DHX40: variants seen among roughly 807,000 people sequenced by gnomAD.
DHX40 encodes the protein probable ATP-dependent RNA helicase DHX40.
A neutral mutation model predicts 89.6 loss-of-function variants in DHX40; 28 were observed. The observed-to-expected ratio is 0.31, with a 90% CI of 0.23 to 0.43. DHX40 has a LOEUF of 0.43. DHX40 is among the 20% of genes least tolerant of loss of function. The pLI is 1.00. For missense variants in DHX40, 457 were observed against 844.0 expected (o/e 0.54, Z 5.68); for synonymous variants, 226 against 283.6 (o/e 0.80, Z 2.04).
chr17:59,577,176 ATGACT>A (rs1354002616), intron 7 of DHX40, 85 bp from the exon 8 acceptor site: 3 of 1,118,190 alleles, frequency 2.7e-6, no homozygotes, highest in Admixed American at 1.8e-5. Flanking sequence ...GCCTAGAAAC[ATGACT>A]TGTAATGAAA....
chr17:59,567,929 C>A (rs2048730954), intron 2 of DHX40, among the ~76,000 whole-genome samples: 1 of 146,406 alleles, frequency 6.8e-6, no homozygotes, highest in Non-Finnish European at 1.5e-5. Flanking sequence ...GAGACTCCGT[C>A]TCCAAAAAAA....
chr17:59,566,818 T>G, intron 2 of DHX40, 24 bp downstream of exon 2: 3 of 1,546,834 alleles, frequency 1.9e-6, no homozygotes, highest in Non-Finnish European at 2.6e-6. Flanking sequence ...GTTGTAATAA[T>G]TGGAAATATT....
intron 10 of DHX40, among the ~76,000 whole-genome samples, chr17:59,583,696 C>T (rs1197982369): frequency 3.2e-5 from 4 of 125,092 alleles, no homozygotes; most frequent in African/African-American, 1.0e-4. Context: ...CTGGCTAACA[C>T]AGTGAAACCC....
chr17:59,575,220 A>G, intron 6 of DHX40, 120 bp from the exon 7 acceptor site: 1 of 764,670 alleles, frequency 1.3e-6, no homozygotes, highest in Non-Finnish European at 2.0e-6. Context: ...TCTCCTTTAC[A>G]TTAAATGAGA....
intron 14 of DHX40, among the ~76,000 whole-genome samples, chr17:59,602,166 T>C (rs1419509646): frequency 3.3e-5 from 5 of 152,168 alleles, no homozygotes; most frequent in Non-Finnish European, 7.4e-5. Context: ...ACCTTGGTCT[T>C]CCTGGACTCC....
chr17:59,602,458 A>G, intron 14 of DHX40, 64 bp from the exon 15 acceptor site: 1 of 1,403,156 alleles, frequency 7.1e-7, no homozygotes, highest in Non-Finnish European at 9.8e-7. Context: ...TGGATTTTTC[A>G]AAATAAAAGA....
rs765533369 is a variant in DHX40 at position 59,605,850 on chromosome 17, A to G, written c.2200+176A>G. On this transcript the variant is annotated intron_variant, in intron 17 of 17. Transcript: ENST00000251241. Reference sequence around the variant, plus strand: ...CATGTTGGTGTGCACCTGTAGTCCCAGTGACTTGGGAGGCTGATGCAGGAG... The same window carrying G: ...CATGTTGGTGTGCACCTGTAGTCCCGGTGACTTGGGAGGCTGATGCAGGAG... 11 of 692,436 alleles carry G rather than the reference A, an allele frequency of 1.6e-5. No individual in the cohort carries two copies. The East Asian group carries it at 1.7e-4, about 11-fold the overall frequency. 42.9% of individuals were successfully genotyped at this position (692,436 alleles called of 1,614,324 possible).
rs2030789346 is a variant in DHX40 at position 59,605,528 on chromosome 17, G to C, written c.2054G>C (p.Cys685Ser). 6.2e-7 allele frequency: 1 copy of C among 1,614,026 alleles called. No individual in the cohort carries two copies. Among genetic ancestry groups the C allele is most frequent in the Non-Finnish European group, 8.5e-7 (1 of 1,180,030 alleles). Residue 685 changes from cysteine (C) to serine (S), a missense_variant, in exon 17 of 18, where the codon TGC becomes TCC. By Grantham distance (112) the Cys-to-Ser change is moderately radical. Coordinates refer to ENST00000251241, the MANE Select transcript of DHX40 (RefSeq NM_024612.5). ...ACCAAAGTCTACGCAAGAATTGTAT[G>C]CCCAATCCGTTATGAATGGGTAAGA... ...VTTKVYARIV[C>S]PIRYEWVRDL...
intron 11 of DHX40, among the ~76,000 whole-genome samples, 185 bp downstream of exon 11, chr17:59,586,418 T>C (rs1598157230): frequency 6.6e-6 from 1 of 152,164 alleles, no homozygotes; most frequent in East Asian, 1.9e-4. Flanking sequence ...ATCCCAGCAC[T>C]TTGGGAGGCC....
chr17:59,572,051 C>A, intron 3 of DHX40, among the ~76,000 whole-genome samples: 1 of 152,252 alleles, frequency 6.6e-6, no homozygotes, highest in African/African-American at 2.4e-5. Context: ...ACAAAATCAG[C>A]CAATTAACAA....
rs1401095060 is a variant in DHX40, at chr17:59,569,095, G to A, written c.281-1423G>A. 2.6e-3 allele frequency among the ~76,000 whole-genome samples: 393 copies of A among 152,196 alleles called. 1 individual carries two copies. The highest frequency in any genetic ancestry group is 8.4e-3 in the African/African-American group (351 of 41,544). On this transcript the variant is annotated intron_variant, in intron 2 of 17. Transcript: ENST00000251241. Reference sequence around the variant, plus strand: ...TGTGATCCCAGCACATTGGGAGGCTGAGGCAGATGGATCACTTGAGGTCAG... The same window carrying A: ...TGTGATCCCAGCACATTGGGAGGCTAAGGCAGATGGATCACTTGAGGTCAG...
At chr17:59,573,383 G>A (rs1164475769) in intron 4 of DHX40, 148 bp downstream of exon 4, 28 of 715,880 alleles carry the variant, frequency 3.9e-5, no homozygotes, top group Non-Finnish European at 6.3e-5. Flanking sequence ...AGGCTGGAGA[G>A]CAGTGGCACG....
At chr17:59,565,830 G>T in intron 1 of DHX40, 47 bp downstream of exon 1, 2 of 1,508,610 alleles carry the variant, frequency 1.3e-6, no homozygotes, top group South Asian at 1.2e-5. Context: ...TTACGGCGTG[G>T]GGGTTTTGGT....
At chr17:59,588,219 TAAAAAAA>T (rs1169868073) in intron 12 of DHX40, among the ~76,000 whole-genome samples, 166 bp downstream of exon 12, 4 of 67,818 alleles carry the variant, frequency 5.9e-5, no homozygotes, top group African/African-American at 6.8e-5. Context: ...CCATCTCTAC[TAAAAAAA>T]AAAAAAAAAA....
chr17:59,574,415 A>C (rs1465980976), intron 6 of DHX40, among the ~76,000 whole-genome samples, 161 bp downstream of exon 6: 1 of 149,998 alleles, frequency 6.7e-6, no homozygotes, highest in East Asian at 1.9e-4. Context: ...ATAGATAAAA[A>C]TTGTAAGCTA....
chr17:59,600,466 C>CTG (rs1555596318), intron 14 of DHX40, among the ~76,000 whole-genome samples: 2 of 148,704 alleles, frequency 1.3e-5, no homozygotes, highest in African/African-American at 4.9e-5. Flanking sequence ...AGTATATGCT[C>CTG]TTTTTTTTTT....
chr17:59,590,090 G>A (rs1202890978), intron 12 of DHX40, among the ~76,000 whole-genome samples: 1 of 151,246 alleles, frequency 6.6e-6, no homozygotes, highest in African/African-American at 2.4e-5. Flanking sequence ...TTTTTTTGTA[G>A]GATCAAAAGA....
At chr17:59,588,863 C>T (rs2049038867) in intron 12 of DHX40, among the ~76,000 whole-genome samples, 1 of 152,136 alleles carries the variant, frequency 6.6e-6, no homozygotes. Flanking sequence ...TACCCAAAGT[C>T]ATCTAGATTT....
intron 3 of DHX40, 78 bp from the exon 4 acceptor site, chr17:59,573,038 A>G (rs751178760): frequency 4.0e-6 from 6 of 1,486,152 alleles, no homozygotes; most frequent in Non-Finnish European, 5.5e-6. Context: ...TTGATCACTT[A>G]ATGTTTGTAC....
Sources: gnomAD v4.1 joint callset for allele counts (sites outside exome capture counted in the v4.1 genomes callset) on GRCh38, gnomAD v4.1.1 for gene constraint, MANE v1.5 for transcripts, NCBI Gene and HGNC (gene_info 2026-07-23, HGNC 2026-07-21) for gene names.